Variants in NUP43 observed in about 807,000 individuals in gnomAD.
NUP43 encodes nucleoporin Nup43.
In NUP43, 32 loss-of-function variants were observed where a neutral mutation model predicts 47.3. That is an observed-to-expected ratio of 0.68 (90% CI 0.51 to 0.91). The LOEUF (loss-of-function observed/expected upper bound fraction) is 0.91, where lower values mean the gene tolerates loss of function less well. Among genes scored for constraint, NUP43 ranks in the 40% least tolerant of loss-of-function variants. The probability of loss-of-function intolerance (pLI) is 0.00; values close to 1 mark genes in which losing one functional copy is unlikely to be tolerated. For missense variants in NUP43, 444 were observed against 453.9 expected (o/e 0.98, Z 0.20); for synonymous variants, 147 against 158.4 (o/e 0.93, Z 0.54).
At chr6:149,727,845 T>C (rs1326795193) in intron 7 of NUP43, 5 of 985,256 alleles carry the variant, frequency 5.1e-6, no homozygotes, top group Admixed American at 6.2e-5. Context: ...ATTTCAATTT[T>C]AGTCATTATT....
chr6:149,728,203 G>A, intron 7 of NUP43: 1 of 984,338 alleles, frequency 1.0e-6, no homozygotes, highest in Non-Finnish European at 1.2e-6. Context: ...TATGTCTTAA[G>A]AGCAGGATGC....
At chr6:149,743,118 G>A (rs887866474) in intron 3 of NUP43, among the ~76,000 whole-genome samples, 4 of 151,802 alleles carry the variant, frequency 2.6e-5, no homozygotes, top group African/African-American at 4.8e-5. Context: ...GCAGGTTGCA[G>A]TGAGCAGAGA....
At chr6:149,748,228 G>A (rs1008873162), upstream of NUP43, among the ~76,000 whole-genome samples, 8 of 152,034 alleles carry the variant, frequency 5.3e-5, no homozygotes, top group African/African-American at 1.2e-4. Flanking sequence ...CGGCAGAATT[G>A]CTTGAACCGG....
In NUP43 at chr6:149,726,842, A is replaced by G; in HGVS notation, c.*127T>C. ...ACAAAAGTCAAAACTGGGCATTGAC[A>G]TTAATGGTAGTTTACTGATGTTTCC... On this transcript the variant is annotated 3_prime_UTR_variant, in exon 8 of 8. Coordinates refer to ENST00000340413, the MANE Select transcript of NUP43 (RefSeq NM_198887.3). 4.3e-6 allele frequency: 3 copies of G among 703,286 alleles called. No individual in the cohort carries two copies. Among genetic ancestry groups the G allele is most frequent in the Non-Finnish European group, 7.3e-6 (3 of 409,144 alleles). 43.6% of individuals were successfully genotyped at this position (703,286 alleles called of 1,614,324 possible). A position where few individuals can be genotyped will look rare whatever the true frequency, so the allele number is the denominator to read the frequency against.
chr6:149,746,801 C>A, upstream of NUP43: 1 of 923,800 alleles, frequency 1.1e-6, no homozygotes, highest in African/African-American at 1.7e-5. Context: ...AATTTAAGTG[C>A]AAAAACAGAA....
At position 149,730,237 on chromosome 6, in the gene NUP43, A is replaced by C. The variant is rs548569841; in HGVS notation, c.913+1376T>G. ...TTGGTCAGGCTGGTCTCGAACTCCC[A>C]AACTCAGGTGATCCACCTGCCTTGG... On this transcript the variant is annotated intron_variant, in intron 7 of 7. Transcript: ENST00000340413. Among the ~76,000 whole-genome samples the C allele has an allele frequency of 2.6e-5, 4 of 151,868 alleles. No homozygotes were observed. The South Asian group carries it at 6.2e-4, about 24-fold the overall frequency.
intron 5 of NUP43, among the ~76,000 whole-genome samples, chr6:149,737,406 A>G (rs900291804): frequency 6.6e-6 from 1 of 151,968 alleles, no homozygotes; most frequent in Non-Finnish European, 1.5e-5. Flanking sequence ...CCTCCCAAGT[A>G]GCTAGGACTA....
chr6:149,739,457 TTG>T, intron 4 of NUP43, among the ~76,000 whole-genome samples: 1 of 151,948 alleles, frequency 6.6e-6, no homozygotes, highest in Non-Finnish European at 1.5e-5. Flanking sequence ...TGGCTAATTT[TTG>T]TATTTTTAGT....
At chr6:149,735,038 T>A (rs1785251645) in intron 6 of NUP43, among the ~76,000 whole-genome samples, 2 of 152,068 alleles carry the variant, frequency 1.3e-5, no homozygotes, top group Non-Finnish European at 2.9e-5. Context: ...CTTGCACACT[T>A]CACTATGGCA....
chr6:149,744,919 A>AT (rs1258821779), intron 2 of NUP43, among the ~76,000 whole-genome samples: 4 of 146,832 alleles, frequency 2.7e-5, no homozygotes, highest in African/African-American at 5.1e-5. Flanking sequence ...ATTTATTATT[A>AT]TTATTTTTTG....
At chr6:149,727,643 T>C (rs1784850373) in intron 7 of NUP43, 1 of 796,330 alleles carries the variant, frequency 1.3e-6, no homozygotes, top group Non-Finnish European at 1.5e-6. Flanking sequence ...TGAACATTTC[T>C]AGAAATATAT....
intron 7 of NUP43, chr6:149,729,575 C>T: frequency 1.4e-5 from 14 of 967,318 alleles, no homozygotes; most frequent in Non-Finnish European, 1.7e-5. Flanking sequence ...GGGGTACTAA[C>T]AATTACTATT....
In NUP43 at chr6:149,725,674, G is replaced by C. The variant is rs1444773661; in HGVS notation, c.*1295C>G. On this transcript the variant is annotated 3_prime_UTR_variant, in exon 8 of 8. Transcript: ENST00000340413. ...TGATTATTGGAATTACAAAGTAAAT[G>C]AACACTTCAATTGTCTAATAGCAGT... 2 of 152,098 alleles carry C rather than the reference G, an allele frequency of 1.3e-5. No individual in the cohort carries two copies. Among genetic ancestry groups the C allele is most frequent in the Non-Finnish European group, 2.9e-5 (2 of 68,022 alleles). The allele number at this position is 152,098 out of a possible 1,614,324, so 9.4% of individuals were successfully genotyped here. A position where few individuals can be genotyped will look rare whatever the true frequency, so the allele number is the denominator to read the frequency against.
At chr6:149,746,313 C>G (rs1562386876) in intron 1 of NUP43, 63 bp downstream of exon 1, 2 of 1,590,978 alleles carry the variant, frequency 1.3e-6, no homozygotes, top group African/African-American at 1.3e-5. Context: ...GCGCGGAAGG[C>G]CAGGGGTCAG....
At chr6:149,729,775 C>T (rs1784943901) in intron 7 of NUP43, among the ~76,000 whole-genome samples, 3 of 152,012 alleles carry the variant, frequency 2.0e-5, no homozygotes, top group South Asian at 2.1e-4. Flanking sequence ...CTATGCGTTT[C>T]GACATTTCGT....
At chr6:149,746,218 G>A (rs894739092) in intron 1 of NUP43, 156 bp from the exon 2 acceptor site, 3 of 1,305,476 alleles carry the variant, frequency 2.3e-6, no homozygotes, top group African/African-American at 1.5e-5. Context: ...TGCCATCACC[G>A]GCTCTGAGCT....
intron 7 of NUP43, 101 bp from the exon 8 acceptor site, chr6:149,727,299 T>C: frequency 6.9e-7 from 1 of 1,456,054 alleles, no homozygotes. Context: ...GATATCAATG[T>C]GTTTAATTCT....
At chr6:149,728,019 T>G (rs1470772776) in intron 7 of NUP43, 2 of 985,310 alleles carry the variant, frequency 2.0e-6, no homozygotes. Context: ...AAAATCTTGC[T>G]GATCCTTTAA....
chr6:149,746,825 G>T, upstream of NUP43: 2 of 689,664 alleles, frequency 2.9e-6, no homozygotes, highest in Non-Finnish European at 4.2e-6. Context: ...AAACAATGCA[G>T]TAGAAACCAC....
Sources: gnomAD v4.1 joint callset for allele counts (sites outside exome capture counted in the v4.1 genomes callset) on GRCh38, gnomAD v4.1.1 for gene constraint, MANE v1.5 for transcripts, NCBI Gene and HGNC (gene_info 2026-07-23, HGNC 2026-07-21) for gene names.